NRXN3: variants seen among roughly 807,000 people sequenced by gnomAD.
NRXN3 encodes the protein neurexin III.
Under a neutral mutation model 137.6 loss-of-function variants are expected in NRXN3, and 32 were observed. The ratio of observed to expected loss-of-function variants is 0.23; its 90% CI spans 0.18 to 0.31. The LOEUF (loss-of-function observed/expected upper bound fraction) is 0.31. Ranked by LOEUF, NRXN3 falls within the 10% of genes least tolerant of loss-of-function variation. The probability of loss-of-function intolerance (pLI) is 1.00; values close to 1 mark genes in which losing one functional copy is unlikely to be tolerated. For synonymous variants in NRXN3, 798 were observed against 784.5 expected, an observed-to-expected ratio of 1.02 and a Z score of -0.29; for missense variants, 1,574 against 2,062.5, an observed-to-expected ratio of 0.76 and a Z score of 4.59.
At chr14:78,482,203 C>A (rs948357604) in intron 4 of NRXN3, among the ~76,000 whole-genome samples, 2 of 152,138 alleles carry the variant, frequency 1.3e-5, no homozygotes, top group Non-Finnish European at 2.9e-5. Flanking sequence ...ATACTCTTGT[C>A]AACTGATATT....
intron 15 of NRXN3, among the ~76,000 whole-genome samples, chr14:79,288,112 A>G (rs889380596): frequency 4.6e-5 from 7 of 152,220 alleles, no homozygotes; most frequent in African/African-American, 1.7e-4. Context: ...GACTATCATA[A>G]TAACTTATGC....
At chr14:78,731,894 T>C (rs1276440371) in intron 8 of NRXN3, among the ~76,000 whole-genome samples, 1 of 41,098 alleles carries the variant, frequency 2.4e-5, no homozygotes, top group Non-Finnish European at 6.2e-5. Context: ...TGATTTTTAA[T>C]GACTTCAAAG....
intron 4 of NRXN3, among the ~76,000 whole-genome samples, chr14:78,556,483 G>A (rs767748180): frequency 2.0e-5 from 3 of 152,150 alleles, no homozygotes; most frequent in Non-Finnish European, 2.9e-5. Flanking sequence ...TAATCTTGGT[G>A]CTGAGACATA....
intron 15 of NRXN3, among the ~76,000 whole-genome samples, chr14:79,018,652 C>G (rs1327725948): frequency 1.3e-5 from 2 of 152,136 alleles, no homozygotes; most frequent in African/African-American, 4.8e-5. Context: ...AATGAATAAG[C>G]AAAATCAATA....
In NRXN3 at chr14:79,861,999, G is replaced by C. The variant is rs112821575; in HGVS notation, c.*35G>C. 19 of 1,512,136 alleles carry C rather than the reference G, an allele frequency of 1.3e-5. No homozygotes were observed. In the Admixed American group the frequency reaches 1.3e-4, roughly 10 times the overall value. 93.7% of individuals were successfully genotyped at this position (1,512,136 alleles called of 1,614,324 possible). ...CACTGCTCACACGCGAGTTTTCACA[G>C]TTATTTCTATCCACGCCTATGAATC... On this transcript the variant is annotated 3_prime_UTR_variant, in exon 21 of 21. Coordinates refer to ENST00000335750, the MANE Select transcript of NRXN3 (RefSeq NM_001330195.2). This position sits in a 1 kb window ranked among gnomAD's most constrained non-coding sequence, Gnocchi z 5.4.
chr14:79,543,192 C>T (rs879593104), intron 16 of NRXN3, among the ~76,000 whole-genome samples: 16 of 152,272 alleles, frequency 1.1e-4, no homozygotes, highest in Admixed American at 3.9e-4. Context: ...CAAGGCATCA[C>T]CTGATTGCCA....
At chr14:78,526,882 G>A (rs2096388672) in intron 4 of NRXN3, 3 of 438,344 alleles carry the variant, frequency 6.8e-6, no homozygotes, top group Non-Finnish European at 1.4e-5. Flanking sequence ...CACCAAAGAA[G>A]CTTTCAGTTT....
At chr14:78,566,382 T>TG (rs940572153) in intron 4 of NRXN3, among the ~76,000 whole-genome samples, 3 of 105,314 alleles carry the variant, frequency 2.8e-5, no homozygotes, top group African/African-American at 1.9e-4. Flanking sequence ...AAATGTTGGT[T>TG]TTTTTTTTTT....
At chr14:79,731,475 A>G (rs1403419744) in intron 19 of NRXN3, among the ~76,000 whole-genome samples, 1 of 152,212 alleles carries the variant, frequency 6.6e-6, no homozygotes, top group Non-Finnish European at 1.5e-5. Context: ...TTTAACATTC[A>G]TTCCTTCCAG....
At chr14:78,533,816 T>C (rs2096500592) in intron 4 of NRXN3, among the ~76,000 whole-genome samples, 1 of 152,252 alleles carries the variant, frequency 6.6e-6, no homozygotes, top group Non-Finnish European at 1.5e-5. Context: ...TAAAGTACCA[T>C]GCATATGGCC....
At chr14:78,453,780 CA>C (rs1423762638) in intron 4 of NRXN3, among the ~76,000 whole-genome samples, 3 of 152,118 alleles carry the variant, frequency 2.0e-5, no homozygotes, top group Non-Finnish European at 4.4e-5. Flanking sequence ...CACATATACA[CA>C]GGGAGAATGC....
At chr14:78,347,052 A>C (rs2082836131) in intron 4 of NRXN3, among the ~76,000 whole-genome samples, 5 of 152,192 alleles carry the variant, frequency 3.3e-5, no homozygotes, top group Admixed American at 2.0e-4. Flanking sequence ...AATGGAAAGA[A>C]GTAGAGGAGT....
At chr14:78,686,520 A>G (rs1160407479) in intron 6 of NRXN3, among the ~76,000 whole-genome samples, 1 of 152,204 alleles carries the variant, frequency 6.6e-6, no homozygotes, top group African/African-American at 2.4e-5. Flanking sequence ...GAGAGAGAAT[A>G]AGAGTGAATT....
intron 15 of NRXN3, among the ~76,000 whole-genome samples, chr14:79,014,984 T>C (rs2938029): frequency 0.17 from 25,917 of 152,088 alleles, 5,904 homozygotes; most frequent in African/African-American, 0.52. Context: ...GCCATCCCTC[T>C]GTCAGCCCAG....
chr14:79,815,829 G>A (rs1021375264), intron 20 of NRXN3, among the ~76,000 whole-genome samples: 3 of 152,044 alleles, frequency 2.0e-5, no homozygotes, highest in Non-Finnish European at 2.9e-5. Flanking sequence ...TTCATCATAC[G>A]TACACTATAG....
chr14:78,323,254 G>T (rs2079620724), intron 4 of NRXN3, among the ~76,000 whole-genome samples: 2 of 151,992 alleles, frequency 1.3e-5, no homozygotes, highest in South Asian at 2.1e-4. Context: ...ATGGGCTACA[G>T]AAATTGAGAT....
intron 8 of NRXN3, among the ~76,000 whole-genome samples, chr14:78,773,792 ATTTG>A (rs747464634): frequency 1.1e-4 from 16 of 151,758 alleles, no homozygotes; most frequent in South Asian, 2.1e-4. Flanking sequence ...TTATTTACTT[ATTTG>A]TTTGTTTGTT....
chr14:79,278,332 A>T (rs934484549), intron 15 of NRXN3, among the ~76,000 whole-genome samples: 3 of 152,266 alleles, frequency 2.0e-5, no homozygotes, highest in African/African-American at 7.2e-5. Context: ...CTTCCTGCGC[A>T]TGAGACATAC....
chr14:78,397,474 T>A (rs2091585788), intron 4 of NRXN3, among the ~76,000 whole-genome samples: 1 of 150,494 alleles, frequency 6.6e-6, no homozygotes, highest in Admixed American at 6.6e-5. Flanking sequence ...TTTTGGTTAT[T>A]GTAGTTTATC....
Sources: allele counts gnomAD v4.1 joint callset (sites outside exome capture counted in the v4.1 genomes callset), GRCh38; gene constraint gnomAD v4.1.1; non-coding constraint Gnocchi (gnomAD v3.1); transcripts MANE v1.5; gene names NCBI Gene and HGNC (gene_info 2026-07-23, HGNC 2026-07-21).